SNX25: variants seen among roughly 807,000 people sequenced by gnomAD.
SNX25 encodes sorting nexin 25.
Under a neutral mutation model 113.7 loss-of-function variants are expected in SNX25, and 62 were observed. The observed-to-expected ratio is 0.55, with a 90% confidence interval of 0.44 to 0.67. The LOEUF (loss-of-function observed/expected upper bound fraction) is 0.67, where lower values mean the gene tolerates loss of function less well. SNX25 is among the 30% of genes least tolerant of loss of function. The probability of loss-of-function intolerance (pLI) is 0.00; values close to 1 mark genes in which losing one functional copy is unlikely to be tolerated. For missense variants in SNX25, 1,014 were observed against 1,161.0 expected (o/e 0.87, Z 1.84); for synonymous variants, 421 against 436.2 (o/e 0.97, Z 0.43).
At chr4:185,243,636 C>G (rs1230155946) in intron 1 of SNX25, among the ~76,000 whole-genome samples, 3 of 151,986 alleles carry the variant, frequency 2.0e-5, no homozygotes, top group Admixed American at 2.0e-4. Flanking sequence ...AACTCTATAC[C>G]CATTAAACAT....
In SNX25 at chr4:185,291,708, G is replaced by A. The variant is rs540475185; in HGVS notation, c.1162+3626G>A. Among the ~76,000 whole-genome samples the A allele has an allele frequency of 2.0e-5, 3 of 152,228 alleles. No individual in the cohort carries two copies. The South Asian group carries it at 6.2e-4, about 32-fold the overall frequency. On this transcript the variant is annotated intron_variant, in intron 6 of 18. Coordinates refer to ENST00000652585, the MANE Select transcript of SNX25 (RefSeq NM_001378034.2). Reference sequence around the variant, plus strand: ...CTGGAGATATGTCACTCCAATCCCTGCCTCAGTTGTCACGTGATATTCTTC... The same window carrying A: ...CTGGAGATATGTCACTCCAATCCCTACCTCAGTTGTCACGTGATATTCTTC...
At chr4:185,277,720 CTTTTTTTT>C (rs758092952) in intron 5 of SNX25, among the ~76,000 whole-genome samples, 4 of 63,502 alleles carry the variant, frequency 6.3e-5, no homozygotes, top group South Asian at 7.6e-4. Flanking sequence ...TACTTATTAC[CTTTTTTTT>C]TTTTTTTTTT....
At chr4:185,372,969 G>A, downstream of SNX25, 2 of 1,613,948 alleles carry the variant, frequency 1.2e-6, no homozygotes, top group Non-Finnish European at 1.7e-6. Context: ...AGCACTGCAG[G>A]GCAGCTTCCG....
At chr4:185,336,676 C>A (rs1413562243) in intron 10 of SNX25, among the ~76,000 whole-genome samples, 1 of 152,092 alleles carries the variant, frequency 6.6e-6, no homozygotes, top group African/African-American at 2.4e-5. Context: ...CTGAGTAGAT[C>A]CCTAGTAGTG....
rs564719327 is a variant in SNX25, at chr4:185,292,595, GT to G, written c.1162+4516del. On this transcript the variant is annotated intron_variant, in intron 6 of 18. Transcript: ENST00000652585. The stretch of plus-strand genomic sequence containing the variant: ...TTTTTGTATTTTTAGTAGAGGTTGG[GT>G]TTCACCATGTTGGCCAGGCTGGTCT... Among the ~76,000 whole-genome samples, 6 of 152,096 alleles carry G rather than the reference GT, an allele frequency of 3.9e-5. No homozygotes were observed. The East Asian group carries it at 1.2e-3, about 29-fold the overall frequency.
intron 12 of SNX25, among the ~76,000 whole-genome samples, chr4:185,343,143 G>A (rs528792854): frequency 2.0e-5 from 3 of 152,224 alleles, no homozygotes; most frequent in East Asian, 1.9e-4. Context: ...CACCCACCTC[G>A]GCCTTACAAA....
intron 7 of SNX25, among the ~76,000 whole-genome samples, chr4:185,317,771 A>G (rs1367032793): frequency 1.3e-5 from 2 of 152,046 alleles, no homozygotes; most frequent in Admixed American, 6.6e-5. Flanking sequence ...AACATCACAC[A>G]CTGGGGCCTG....
At chr4:185,251,831 A>G (rs1745711313) in intron 2 of SNX25, among the ~76,000 whole-genome samples, 2 of 152,120 alleles carry the variant, frequency 1.3e-5, no homozygotes, top group East Asian at 1.9e-4. Flanking sequence ...AAAAAAAAAG[A>G]CAGGATAAGG....
At chr4:185,212,270 G>A (rs563339601) in intron 1 of SNX25, among the ~76,000 whole-genome samples, 66 of 149,348 alleles carry the variant, frequency 4.4e-4, no homozygotes, top group African/African-American at 1.5e-3. Context: ...GAGCCACTGT[G>A]CCTGGCCTAA....
intron 16 of SNX25, 81 bp downstream of exon 16, chr4:185,357,818 C>G (rs867330027): frequency 1.1e-5 from 13 of 1,156,204 alleles, no homozygotes; most frequent in Middle Eastern, 1.9e-4. Flanking sequence ...ATCTAGCAGC[C>G]AGTCATTTAA....
downstream of SNX25, among the ~76,000 whole-genome samples, chr4:185,373,923 A>C (rs1197955155): frequency 1.3e-5 from 2 of 152,080 alleles, no homozygotes; most frequent in African/African-American, 4.8e-5. Context: ...TATACAAAAT[A>C]CTCTCACATT....
the SNX25 span, chr4:185,378,147 A>G: frequency 2.7e-5 from 44 of 1,614,134 alleles, no homozygotes; most frequent in Non-Finnish European, 3.6e-5. Flanking sequence ...ACAGAGGCAT[A>G]AAAGGGGTTC....
At chr4:185,217,727 A>T (rs555657382) in intron 1 of SNX25, among the ~76,000 whole-genome samples, 1 of 152,302 alleles carries the variant, frequency 6.6e-6, no homozygotes, top group East Asian at 1.9e-4. Flanking sequence ...AAAATGTAGG[A>T]TTCTTTATAG....
intron 1 of SNX25, among the ~76,000 whole-genome samples, chr4:185,245,936 A>T (rs182976378): frequency 1.3e-5 from 2 of 152,196 alleles, no homozygotes; most frequent in East Asian, 3.9e-4. Context: ...AATTCCTTAT[A>T]CATGTACTTT....
At chr4:185,313,351 T>C (rs536852226) in intron 7 of SNX25, among the ~76,000 whole-genome samples, 3 of 152,272 alleles carry the variant, frequency 2.0e-5, no homozygotes, top group African/African-American at 7.2e-5. Flanking sequence ...AAGGAGTCAG[T>C]TCGTCAGGAA....
intron 11 of SNX25, among the ~76,000 whole-genome samples, chr4:185,369,487 G>C (rs544965090): frequency 6.7e-6 from 1 of 149,880 alleles, no homozygotes; most frequent in South Asian, 2.1e-4. Context: ...CAAGTGATCT[G>C]CCTGCCTCAG....
At chr4:185,312,076 C>T (rs1228556068) in intron 7 of SNX25, among the ~76,000 whole-genome samples, 2 of 152,188 alleles carry the variant, frequency 1.3e-5, no homozygotes, top group Non-Finnish European at 2.9e-5. Flanking sequence ...CTTCCTCCTC[C>T]TCATTAGCTT....
rs3112912 is a variant in SNX25 at position 185,232,217 on chromosome 4, C to G, written c.430-15077C>G. On this transcript the variant is annotated intron_variant, in intron 1 of 18. Transcript: ENST00000652585. This position sits in a 1 kb window ranked among gnomAD's most constrained non-coding sequence, Gnocchi z 4.4. ...TGGGGTGTCTGGTAGGCAGGCACAC[C>G]TGGGACAGTTACAGCAGGTAATTTA... is the stretch of plus-strand genomic sequence containing the variant. 0.022 allele frequency among the ~76,000 whole-genome samples: 3,314 copies of G among 152,226 alleles called. 125 individuals carry two copies. Among genetic ancestry groups the G allele is most frequent in the African/African-American group, 0.072 (2,988 of 41,520 alleles).
Position 185,362,837 on chromosome 4 carries a change from C to CTTTTTT in SNX25, c.2934+143_2934+148dup, listed in dbSNP as rs35348535. The stretch of plus-strand genomic sequence containing the variant: ...CTCACATACTAGTCATCTCCCTTGA[C>CTTTTTT]TTTTTTTTTTTTTTTTTTTTTTGAG... On this transcript the variant is annotated intron_variant, in intron 18 of 18. Transcript: ENST00000652585. 1.6e-4 allele frequency: 41 copies of CTTTTTT among 248,926 alleles called. 1 individual carries two copies. The highest frequency in any genetic ancestry group is 2.9e-4 in the Admixed American group (4 of 13,768). 15.4% of individuals were successfully genotyped at this position (248,926 alleles called of 1,614,324 possible).
Sources: gnomAD v4.1 joint callset for allele counts (sites outside exome capture counted in the v4.1 genomes callset) on GRCh38, gnomAD v4.1.1 for gene constraint, Gnocchi (gnomAD v3.1) non-coding constraint, MANE v1.5 for transcripts, NCBI Gene and HGNC (gene_info 2026-07-23, HGNC 2026-07-21) for gene names.